Variants in MSI2 observed in about 807,000 individuals in gnomAD.
The protein encoded by MSI2 is RNA-binding protein Musashi homolog 2.
Under a neutral mutation model 45.6 loss-of-function variants are expected in MSI2, and 17 were observed. The observed-to-expected ratio is 0.37, with a 90% CI of 0.26 to 0.56. The LOEUF (loss-of-function observed/expected upper bound fraction) is 0.56. Ranked by LOEUF, MSI2 falls within the 20% of genes least tolerant of loss-of-function variation. The pLI, the probability that MSI2 is intolerant of heterozygous loss-of-function variation, is 0.77. For synonymous variants in MSI2, 156 were observed against 158.2 expected (o/e 0.99, Z 0.11); for missense variants, 293 against 444.2 (o/e 0.66, Z 3.06).
intron 5 of MSI2, among the ~76,000 whole-genome samples, chr17:57,385,543 C>CA (rs1458625534): frequency 2.0e-5 from 3 of 152,136 alleles, no homozygotes; most frequent in Admixed American, 2.0e-4. Flanking sequence ...CCCAGCTACT[C>CA]ACAAGGCTGA....
chr17:57,669,783 G>C (rs114220239), intron 11 of MSI2, among the ~76,000 whole-genome samples: 2,298 of 152,316 alleles, frequency 0.015, 76 homozygotes, highest in African/African-American at 0.053. Flanking sequence ...AATCCCTTCT[G>C]AATTGGACTT....
chr17:57,363,545 A>G (rs1242143457), intron 5 of MSI2, among the ~76,000 whole-genome samples: 3 of 152,192 alleles, frequency 2.0e-5, no homozygotes, highest in Non-Finnish European at 4.4e-5. Flanking sequence ...CGAGACCAGC[A>G]TGGCCAACAC....
At chr17:57,443,623 T>C (rs1425965214) in intron 6 of MSI2, among the ~76,000 whole-genome samples, 1 of 152,166 alleles carries the variant, frequency 6.6e-6, no homozygotes, top group Non-Finnish European at 1.5e-5. Context: ...AGTTAGGGGC[T>C]GAGCTGACAC....
At chr17:57,640,160 C>T (rs1011372350) in intron 10 of MSI2, among the ~76,000 whole-genome samples, 2 of 152,162 alleles carry the variant, frequency 1.3e-5, no homozygotes, top group African/African-American at 4.8e-5. Flanking sequence ...AACCATCAGT[C>T]CAGCTGACCA....
At chr17:57,475,450 A>G (rs980123535) in intron 6 of MSI2, among the ~76,000 whole-genome samples, 1 of 152,190 alleles carries the variant, frequency 6.6e-6, no homozygotes, top group Non-Finnish European at 1.5e-5. Flanking sequence ...AGGACCTGAT[A>G]GGTAGTGTAC....
rs140168817 is a variant in MSI2 at position 57,627,647 on chromosome 17, C to T, written c.727+344C>T. On this transcript the variant is annotated intron_variant, in intron 10 of 13. Transcript: ENST00000284073. This position sits in a 1 kb window ranked among gnomAD's most constrained non-coding sequence, Gnocchi z 4.6. ...GAACTCTAGGCCCAGGGCTTTCTTTCACCCTCTACCACCCCTTGCCCGCCT... is the reference window on the plus strand; with the variant it reads ...GAACTCTAGGCCCAGGGCTTTCTTTTACCCTCTACCACCCCTTGCCCGCCT... 14 of 338,376 alleles carry T rather than the reference C, an allele frequency of 4.1e-5. No individual in the cohort carries two copies. The highest frequency in any genetic ancestry group is 7.7e-5 in the Non-Finnish European group (14 of 183,004). The allele number at this position is 338,376 out of a possible 1,614,324, so 21.0% of individuals were successfully genotyped here. A position where few individuals can be genotyped will look rare whatever the true frequency, so the allele number is the denominator to read the frequency against.
At chr17:57,530,613 G>A (rs755669714) in intron 7 of MSI2, among the ~76,000 whole-genome samples, 2 of 152,162 alleles carry the variant, frequency 1.3e-5, no homozygotes, top group African/African-American at 4.8e-5. Context: ...GCAGGAAATG[G>A]TGTGCTGGTG....
intron 6 of MSI2, among the ~76,000 whole-genome samples, chr17:57,467,705 C>G (rs936244897): frequency 6.6e-6 from 1 of 152,102 alleles, no homozygotes. Context: ...GAGGGTGATC[C>G]AGGACCTCTA....
intron 7 of MSI2, among the ~76,000 whole-genome samples, chr17:57,586,252 C>T (rs765229115): frequency 1.3e-5 from 2 of 152,224 alleles, no homozygotes; most frequent in Non-Finnish European, 2.9e-5. Flanking sequence ...TGGGATGAGA[C>T]ACCCTTTCCC....
chr17:57,381,814 C>G (rs1195089216), intron 5 of MSI2, among the ~76,000 whole-genome samples: 1 of 152,218 alleles, frequency 6.6e-6, no homozygotes, highest in Non-Finnish European at 1.5e-5. Context: ...GTATTCTGCT[C>G]ACAAGAAAAG....
At chr17:57,542,110 G>T (rs774715312) in intron 7 of MSI2, among the ~76,000 whole-genome samples, 13 of 152,090 alleles carry the variant, frequency 8.5e-5, no homozygotes, top group Non-Finnish European at 1.9e-4. Flanking sequence ...ACAGTGGGCC[G>T]TGTTTTGTGT....
At chr17:57,318,303 CTG>C (rs1202161169) in intron 5 of MSI2, among the ~76,000 whole-genome samples, 4 of 152,066 alleles carry the variant, frequency 2.6e-5, no homozygotes, top group African/African-American at 7.2e-5. Context: ...TTGATGGACT[CTG>C]TGCTCTGAGT....
At chr17:57,413,140 T>A (rs2143214647) in intron 6 of MSI2, among the ~76,000 whole-genome samples, 1 of 152,150 alleles carries the variant, frequency 6.6e-6, no homozygotes, top group African/African-American at 2.4e-5. Context: ...GGCTTGCTAG[T>A]GCAACAGCCT....
intron 5 of MSI2, among the ~76,000 whole-genome samples, chr17:57,372,138 A>T (rs895578440): frequency 6.6e-6 from 1 of 152,188 alleles, no homozygotes; most frequent in Non-Finnish European, 1.5e-5. Context: ...GGGAAGGCTT[A>T]ATTTAAAAAG....
chr17:57,634,018 C>G (rs1470621676), intron 10 of MSI2, among the ~76,000 whole-genome samples: 6 of 152,168 alleles, frequency 3.9e-5, no homozygotes, highest in Non-Finnish European at 8.8e-5. Context: ...CCTCTCTTCC[C>G]TCTTCATTTT....
At chr17:57,333,041 AAAAG>A (rs1307710186) in intron 5 of MSI2, among the ~76,000 whole-genome samples, 1 of 152,112 alleles carries the variant, frequency 6.6e-6, no homozygotes, top group Non-Finnish European at 1.5e-5. Flanking sequence ...AAAGAAAAAA[AAAAG>A]AGTACGGATG....
intron 5 of MSI2, among the ~76,000 whole-genome samples, chr17:57,283,406 G>T (rs1394324275): frequency 6.6e-6 from 1 of 152,062 alleles, no homozygotes; most frequent in Non-Finnish European, 1.5e-5. Context: ...CCCATTCCCC[G>T]CCTCCAACTT....
At chr17:57,651,879 G>A (rs1314494022) in intron 10 of MSI2, among the ~76,000 whole-genome samples, 1 of 152,228 alleles carries the variant, frequency 6.6e-6, no homozygotes, top group Non-Finnish European at 1.5e-5. Context: ...AGCTTCTGGG[G>A]TGACAAATGG....
intron 6 of MSI2, among the ~76,000 whole-genome samples, chr17:57,446,202 C>G (rs2084897610): frequency 6.6e-6 from 1 of 152,158 alleles, no homozygotes; most frequent in Non-Finnish European, 1.5e-5. Flanking sequence ...AGAGAGGCAT[C>G]TCTGGGGCAA....
Sources: allele counts gnomAD v4.1 joint callset (sites outside exome capture counted in the v4.1 genomes callset), GRCh38; gene constraint gnomAD v4.1.1; non-coding constraint Gnocchi (gnomAD v3.1); transcripts MANE v1.5; gene names NCBI Gene and HGNC (gene_info 2026-07-23, HGNC 2026-07-21).